LRRC40: variants seen among roughly 807,000 people sequenced by gnomAD.
LRRC40 encodes the protein leucine-rich repeat-containing protein 40.
A neutral mutation model predicts 72.8 loss-of-function variants in LRRC40; 76 were observed. The observed-to-expected ratio is 1.04, with a 90% confidence interval of 0.87 to 1.26. LRRC40 has a LOEUF of 1.26. LRRC40 is among the 50% of genes most tolerant of loss of function. The probability of loss-of-function intolerance (pLI) is 0.00; values close to 1 mark genes in which losing one functional copy is unlikely to be tolerated. For synonymous variants in LRRC40, 243 were observed against 254.2 expected (o/e 0.96, Z 0.42); for missense variants, 684 against 698.9 (o/e 0.98, Z 0.24).
At chr1:70,170,431 G>A (rs2100279749) in intron 9 of LRRC40, among the ~76,000 whole-genome samples, 1 of 152,268 alleles carries the variant, frequency 6.6e-6, no homozygotes, top group East Asian at 1.9e-4. Context: ...AGATTGGAAA[G>A]GAAGAAGTAA....
At chr1:70,153,921 C>T (rs777331977) in intron 11 of LRRC40, among the ~76,000 whole-genome samples, 8 of 146,966 alleles carry the variant, frequency 5.4e-5, no homozygotes, top group Admixed American at 2.1e-4. Context: ...TGCACTGAGC[C>T]GCGATTGTGC....
chr1:70,150,638 T>C (rs1376312551), intron 13 of LRRC40, among the ~76,000 whole-genome samples: 1 of 152,240 alleles, frequency 6.6e-6, no homozygotes, highest in African/African-American at 2.4e-5. Flanking sequence ...TCTACTCCTC[T>C]ACCTGTTTGC....
intron 11 of LRRC40, among the ~76,000 whole-genome samples, chr1:70,154,895 C>CAGCT (rs955826770): frequency 1.3e-5 from 2 of 152,036 alleles, no homozygotes; most frequent in African/African-American, 4.8e-5. Context: ...AAACTAAGAA[C>CAGCT]AGCTAGTTAA....
intron 14 of LRRC40, chr1:70,147,878 CTA>C (rs1667350064): frequency 6.6e-6 from 1 of 152,110 alleles, no homozygotes; most frequent in African/African-American, 2.4e-5. Context: ...TGGGTGTTTA[CTA>C]TGTTTTAGGC....
At chr1:70,159,281 C>G (rs982232223) in intron 10 of LRRC40, 49 bp downstream of exon 10, 2 of 852,410 alleles carry the variant, frequency 2.3e-6, no homozygotes, top group Admixed American at 2.6e-5. Flanking sequence ...CTGGGCAACA[C>G]AGTAAGACCC....
intron 1 of LRRC40, among the ~76,000 whole-genome samples, chr1:70,193,192 A>G (rs1349196727): frequency 6.6e-6 from 1 of 152,102 alleles, no homozygotes; most frequent in African/African-American, 2.4e-5. Flanking sequence ...ACAGAGAAAA[A>G]GCAATAAAAA....
At chr1:70,181,259 A>G in intron 4 of LRRC40, 50 bp from the exon 5 acceptor site, 1 of 1,171,952 alleles carries the variant, frequency 8.5e-7, no homozygotes. Context: ...AAAAAAATAA[A>G]TAAATAATGC....
chr1:70,160,997 A>AG (rs1356467887), intron 9 of LRRC40, among the ~76,000 whole-genome samples: 2 of 152,040 alleles, frequency 1.3e-5, no homozygotes, highest in East Asian at 1.9e-4. Flanking sequence ...CCAGAGAGAG[A>AG]GAAAAAAAAA....
chr1:70,168,675 T>G (rs1311614937), intron 9 of LRRC40, among the ~76,000 whole-genome samples: 4 of 152,182 alleles, frequency 2.6e-5, no homozygotes, highest in Non-Finnish European at 5.9e-5. Context: ...GTACACAAGC[T>G]AGCTCACAGG....
At chr1:70,158,482 T>C (rs1667688601) in intron 10 of LRRC40, among the ~76,000 whole-genome samples, 1 of 152,180 alleles carries the variant, frequency 6.6e-6, no homozygotes, top group African/African-American at 2.4e-5. Context: ...GTATTGCTTA[T>C]GTTTTTGTTG....
intron 9 of LRRC40, among the ~76,000 whole-genome samples, chr1:70,163,367 G>A (rs890634412): frequency 2.6e-5 from 4 of 152,174 alleles, no homozygotes; most frequent in South Asian, 2.1e-4. Context: ...GATTACAGTC[G>A]TAAGCCACCA....
At chr1:70,178,618 T>C (rs1369614094) in intron 6 of LRRC40, among the ~76,000 whole-genome samples, 1 of 152,168 alleles carries the variant, frequency 6.6e-6, no homozygotes, top group Non-Finnish European at 1.5e-5. Context: ...ACTTGTCAGA[T>C]GAAATGGACA....
Position 70,194,088 on chromosome 1 carries a change from A to G in LRRC40, c.152-4815T>C, listed in dbSNP as rs963959136. ...AATAGAGGTCTTGACCAATGCAGTA[A>G]GACAAAAAGAAGAAAAAGAAATAAA... On this transcript the variant is annotated intron_variant, in intron 1 of 14. Transcript: ENST00000370952. 8.5e-5 allele frequency among the ~76,000 whole-genome samples: 13 copies of G among 152,074 alleles called. No homozygotes were observed. The East Asian group carries it at 2.5e-3, about 29-fold the overall frequency.
chr1:70,197,396 G>A (rs78371792), intron 1 of LRRC40, among the ~76,000 whole-genome samples: 15,148 of 151,718 alleles, frequency 0.1, 904 homozygotes, highest in East Asian at 0.31. Context: ...TCCTGCCTCC[G>A]TCTTCCAAGT....
intron 14 of LRRC40, among the ~76,000 whole-genome samples, chr1:70,146,418 G>A (rs1277820403): frequency 6.6e-6 from 1 of 152,086 alleles, no homozygotes; most frequent in African/African-American, 2.4e-5. Flanking sequence ...CTTTGTGAAA[G>A]GTACTGAGCC....
At chr1:70,189,364 G>A in intron 1 of LRRC40, 91 bp from the exon 2 acceptor site, 2 of 1,029,906 alleles carry the variant, frequency 1.9e-6, no homozygotes, top group Non-Finnish European at 1.4e-6. Flanking sequence ...TTTTATAATA[G>A]CCATTCCATT....
chr1:70,145,739 A>C lies in LRRC40; in HGVS notation c.*61T>G, dbSNP rs952338890. ...AAGATGATACTAAAACAAATGTTAC[A>C]TCCTCCTTAGAATTAACCAGGGTTA... is the stretch of plus-strand genomic sequence containing the variant. On this transcript the variant is annotated 3_prime_UTR_variant, in exon 15 of 15. Transcript: ENST00000370952. 8.4e-6 allele frequency: 7 copies of C among 828,548 alleles called. No individual in the cohort carries two copies. Among genetic ancestry groups the C allele is most frequent in the Non-Finnish European group, 1.4e-5 (7 of 505,252 alleles). The allele number at this position is 828,548 out of a possible 1,614,324, so 51.3% of individuals were successfully genotyped here.
intron 14 of LRRC40, 128 bp downstream of exon 14, chr1:70,148,359 T>A: frequency 1.3e-6 from 1 of 765,368 alleles, no homozygotes; most frequent in Admixed American, 2.5e-5. Flanking sequence ...GTTTTGTTAC[T>A]TGTTATTTTT....
chr1:70,158,099 CAAAAAAAAAAAAA>C (rs35925333), intron 10 of LRRC40, among the ~76,000 whole-genome samples: 3 of 19,218 alleles, frequency 1.6e-4, no homozygotes, highest in Admixed American at 6.9e-4. Context: ...GACCCTGCCT[CAAAAAAAAAAAAA>C]AAAAAAAAAA....
Sources: gnomAD v4.1 joint callset for allele counts (sites outside exome capture counted in the v4.1 genomes callset) on GRCh38, gnomAD v4.1.1 for gene constraint, MANE v1.5 for transcripts, NCBI Gene and HGNC (gene_info 2026-07-23, HGNC 2026-07-21) for gene names.